Variants in NAALADL2 observed in about 807,000 individuals in gnomAD.
The protein encoded by NAALADL2 is N-acetylated alpha-linked acidic dipeptidase like 2.
In NAALADL2, 76 loss-of-function variants were observed where a neutral mutation model predicts 87.2. That is an observed-to-expected ratio of 0.87 (90% CI 0.72 to 1.05). The LOEUF is 1.05. NAALADL2 is among the 50% of genes least tolerant of loss of function. NAALADL2 has a pLI of 0.00. For synonymous variants in NAALADL2, 354 were observed against 331.0 expected (o/e 1.07, Z -0.75); for missense variants, 1,089 against 945.8 (o/e 1.15, Z -1.99).
intron 1 of NAALADL2, among the ~76,000 whole-genome samples, chr3:174,882,635 A>ACATATACGCATATGTGCATATG (rs1560318685): frequency 1.3e-5 from 1 of 77,440 alleles, no homozygotes; most frequent in African/African-American, 7.3e-5. Context: ...ATGTGCATAT[A>ACATATACGCATATGTGCATATG]CACATATGTG....
intron 13 of NAALADL2, among the ~76,000 whole-genome samples, chr3:175,767,369 T>TA (rs1423384702): frequency 2.0e-5 from 3 of 152,128 alleles, no homozygotes; most frequent in Non-Finnish European, 4.4e-5. Context: ...ATATAATCCT[T>TA]AAAAAACTGC....
At chr3:175,258,697 G>T (rs938499728) in intron 4 of NAALADL2, among the ~76,000 whole-genome samples, 17 of 152,280 alleles carry the variant, frequency 1.1e-4, no homozygotes, top group Admixed American at 8.5e-4. Flanking sequence ...TGCATGCCTG[G>T]TGACTGGGGC....
At chr3:174,679,033 G>A (rs1727292298) in intron 2 of NAALADL2, among the ~76,000 whole-genome samples, 1 of 152,044 alleles carries the variant, frequency 6.6e-6, no homozygotes, top group Admixed American at 6.6e-5. Flanking sequence ...ACGAATTTCT[G>A]TTTAATTATG....
intron 6 of NAALADL2, among the ~76,000 whole-genome samples, chr3:175,448,041 T>A (rs1426983099): frequency 6.6e-6 from 1 of 152,232 alleles, no homozygotes; most frequent in Non-Finnish European, 1.5e-5. Flanking sequence ...TGGGCTCTTT[T>A]TTGTGTCCAG....
At chr3:175,530,486 T>A (rs1733950353) in intron 9 of NAALADL2, among the ~76,000 whole-genome samples, 1 of 152,194 alleles carries the variant, frequency 6.6e-6, no homozygotes, top group African/African-American at 2.4e-5. Flanking sequence ...TGGGAAGATT[T>A]CCCTTCATTG....
chr3:175,359,188 A>G (rs1479456632), intron 5 of NAALADL2, among the ~76,000 whole-genome samples: 1 of 152,140 alleles, frequency 6.6e-6, no homozygotes, highest in Non-Finnish European at 1.5e-5. Flanking sequence ...TTACCCTGAA[A>G]TATTCTATTC....
intron 5 of NAALADL2, among the ~76,000 whole-genome samples, chr3:175,329,222 T>A (rs1761113156): frequency 6.6e-6 from 1 of 152,226 alleles, no homozygotes; most frequent in Non-Finnish European, 1.5e-5. Flanking sequence ...GTCTTTCTGC[T>A]ACAATCCTTT....
intron 11 of NAALADL2, among the ~76,000 whole-genome samples, chr3:175,653,379 A>T (rs897622529): frequency 1.1e-4 from 16 of 151,982 alleles, no homozygotes; most frequent in African/African-American, 3.9e-4. Flanking sequence ...AATAACTAAA[A>T]CCCTACTGCT....
In NAALADL2 at chr3:175,323,772, G is replaced by T. The variant is rs542824880; in HGVS notation, c.940-403G>T. On this transcript the variant is annotated intron_variant, in intron 4 of 13. Coordinates refer to ENST00000454872, the MANE Select transcript of NAALADL2 (RefSeq NM_207015.3). ...GTGGCTCACGCCTGTAATCCCAGCA[G>T]TTTGGGAGGCCGAGGTGGGCGGATC... is the stretch of plus-strand genomic sequence containing the variant. Among the ~76,000 whole-genome samples the T allele has an allele frequency of 1.2e-3, 177 of 151,694 alleles. 1 individual carries two copies. Among genetic ancestry groups the T allele is most frequent in the Non-Finnish European group, 2.1e-3 (142 of 67,904 alleles).
rs140291952 is a variant in NAALADL2, at chr3:175,181,678, CATATATATATAT to C, written c.546-52238_546-52227del. 6.2e-4 allele frequency among the ~76,000 whole-genome samples: 32 copies of C among 51,880 alleles called. 1 individual carries two copies. The highest frequency in any genetic ancestry group is 1.7e-3 in the African/African-American group (28 of 16,254). The allele number at this position is 51,880 out of a possible 152,430, so 34.0% of individuals were successfully genotyped here. ...TTATGACTGAATAGTATTCCATTGG[CATATATATATAT>C]ATATATATATATATGTGTGTGTGTG... On this transcript the variant is annotated intron_variant, in intron 2 of 13. Transcript: ENST00000454872.
chr3:175,178,831 A>AT (rs148156130), intron 2 of NAALADL2, among the ~76,000 whole-genome samples: 18,884 of 149,908 alleles, frequency 0.13, 1,341 homozygotes, highest in Middle Eastern at 0.18. Context: ...ATGTTTTAGA[A>AT]TTTTTTTTTT....
chr3:175,394,614 A>T (rs1395352595), intron 5 of NAALADL2, among the ~76,000 whole-genome samples: 1 of 152,200 alleles, frequency 6.6e-6, no homozygotes, highest in Non-Finnish European at 1.5e-5. Context: ...GTAAACTGAC[A>T]GTTGTGTTTT....
In NAALADL2 at chr3:175,808,785, G is replaced by A. The variant is rs879717463; in HGVS notation, c.*5582G>A. ...ATTATGTTGCATTGAAGTTAATGTC[G>A]GTCTTTTGTTCTAATTAAAGTACAA... On this transcript the variant is annotated 3_prime_UTR_variant, in exon 14 of 14. Transcript: ENST00000454872. 3 of 151,876 alleles carry A rather than the reference G, an allele frequency of 2.0e-5. No individual in the cohort carries two copies. The highest frequency in any genetic ancestry group is 2.9e-5 in the Non-Finnish European group (2 of 67,930). The allele number at this position is 151,876 out of a possible 1,614,324, so 9.4% of individuals were successfully genotyped here. A position where few individuals can be genotyped will look rare whatever the true frequency, so the allele number is the denominator to read the frequency against.
intron 1 of NAALADL2, among the ~76,000 whole-genome samples, chr3:175,082,797 G>A (rs1403635614): frequency 6.6e-6 from 1 of 152,106 alleles, no homozygotes; most frequent in Non-Finnish European, 1.5e-5. Context: ...CTTTTACATA[G>A]GCTTGGTAAA....
intron 2 of NAALADL2, among the ~76,000 whole-genome samples, chr3:175,105,396 T>G (rs995515925): frequency 6.6e-6 from 1 of 151,884 alleles, no homozygotes; most frequent in Non-Finnish European, 1.5e-5. Context: ...TTTTTGAAAA[T>G]GAAAATAATG....
intron 2 of NAALADL2, among the ~76,000 whole-genome samples, chr3:174,716,885 A>G (rs1488157338): frequency 2.6e-5 from 4 of 152,174 alleles, no homozygotes; most frequent in Admixed American, 1.3e-4. Flanking sequence ...AGACAGCTTC[A>G]TTTCTGAATT....
In NAALADL2 at chr3:175,169,472, T is replaced by TATAA. The variant is rs1222830204; in HGVS notation, c.546-64458_546-64457insTAAA. On this transcript the variant is annotated intron_variant, in intron 2 of 13. Coordinates refer to ENST00000454872, the MANE Select transcript of NAALADL2 (RefSeq NM_207015.3). ...AGTTGTAAGAATATATATATATATA[T>TATAA]AATCTGTTGACATATACAAATGATA... Among the ~76,000 whole-genome samples the TATAA allele has an allele frequency of 2.0e-5, 3 of 150,898 alleles. No homozygotes were observed. In the Admixed American group the frequency reaches 2.0e-4, roughly 10 times the overall value.
chr3:174,599,440 G>T (rs2108606159), intron 2 of NAALADL2, among the ~76,000 whole-genome samples: 1 of 152,132 alleles, frequency 6.6e-6, no homozygotes, highest in South Asian at 2.1e-4. Flanking sequence ...TGGTACAAAA[G>T]ACATAAATAT....
chr3:174,808,005 A>G (rs946584716), intron 3 of NAALADL2, among the ~76,000 whole-genome samples: 2 of 151,990 alleles, frequency 1.3e-5, no homozygotes, highest in African/African-American at 4.8e-5. Context: ...TGCTAAAGAT[A>G]CTTGGCTTTT....
Sources: gnomAD v4.1 joint callset for allele counts (sites outside exome capture counted in the v4.1 genomes callset) on GRCh38, gnomAD v4.1.1 for gene constraint, MANE v1.5 for transcripts, NCBI Gene and HGNC (gene_info 2026-07-23, HGNC 2026-07-21) for gene names.